ZNF652: variants seen among roughly 807,000 people sequenced by gnomAD.
ZNF652 encodes the protein zinc finger protein 652.
A neutral mutation model predicts 45.2 loss-of-function variants in ZNF652; 16 were observed. That is an observed-to-expected ratio of 0.35 (90% CI 0.24 to 0.54). The LOEUF (loss-of-function observed/expected upper bound fraction) is 0.54. Among genes scored for constraint, ZNF652 ranks in the 20% least tolerant of loss-of-function variants. ZNF652 has a pLI of 0.91. For synonymous variants in ZNF652, 250 were observed against 260.6 expected (o/e 0.96, Z 0.39); for missense variants, 614 against 765.6 (o/e 0.80, Z 2.34).
intron 1 of ZNF652, among the ~76,000 whole-genome samples, chr17:49,336,064 G>A (rs1400147994): frequency 6.6e-6 from 1 of 151,044 alleles, no homozygotes; most frequent in Non-Finnish European, 1.5e-5. Flanking sequence ...TCCCGCCATC[G>A]CTCAGGCTAG....
At chr17:49,311,244 A>C in intron 5 of ZNF652, 68 bp downstream of exon 5, 1 of 1,464,652 alleles carries the variant, frequency 6.8e-7, no homozygotes, top group Non-Finnish European at 9.2e-7. Context: ...TTTTTAAAAA[A>C]CAGACCCACA....
intron 1 of ZNF652, chr17:49,322,379 C>A (rs1400093144): frequency 6.6e-6 from 1 of 152,228 alleles, no homozygotes; most frequent in Admixed American, 6.5e-5. Flanking sequence ...CACTCTACTT[C>A]TATACCTTCC....
chr17:49,325,858 A>G (rs950151500), intron 1 of ZNF652, among the ~76,000 whole-genome samples: 1 of 152,070 alleles, frequency 6.6e-6, no homozygotes, highest in African/African-American at 2.4e-5. Context: ...TTCCACAAAG[A>G]CCAGAAAACC....
chr17:49,327,308 G>A lies in ZNF652; in HGVS notation c.-258-9325C>T, dbSNP rs541585022. On this transcript the variant is annotated intron_variant, in intron 1 of 5. Coordinates refer to ENST00000430262, the MANE Select transcript of ZNF652 (RefSeq NM_001145365.3). ...CTCCCTAGTAGCTGGGATTACAGGCGCCTGTCACCACACCCAGCTAATTTT... is the reference window on the plus strand; with the variant it reads ...CTCCCTAGTAGCTGGGATTACAGGCACCTGTCACCACACCCAGCTAATTTT... Among the ~76,000 whole-genome samples, 16 of 151,860 alleles carry A rather than the reference G, an allele frequency of 1.1e-4. No individual in the cohort carries two copies. The South Asian group carries it at 3.3e-3, about 32-fold the overall frequency.
Position 49,297,652 on chromosome 17 carries a change from G to A in ZNF652, c.*761C>T, listed in dbSNP as rs1304038022. The A allele has an allele frequency of 1.3e-5, 2 of 152,744 alleles. No individual in the cohort carries two copies. The highest frequency in any genetic ancestry group is 4.8e-5 in the African/African-American group (2 of 41,568). 9.5% of individuals were successfully genotyped at this position (152,744 alleles called of 1,614,324 possible). ...TAGTCTCTGAAGCACCTTTTGAGTT[G>A]TACGGATGTAAGAATAGCTTTGAAT... On this transcript the variant is annotated 3_prime_UTR_variant, in exon 6 of 6. Transcript: ENST00000430262.
At chr17:49,321,139 T>TATA (rs368954949) in intron 1 of ZNF652, among the ~76,000 whole-genome samples, 5 of 152,344 alleles carry the variant, frequency 3.3e-5, no homozygotes, top group African/African-American at 1.2e-4. Flanking sequence ...TACTAACCAA[T>TATA]ATAAAATCCT....
At chr17:49,313,928 T>C (rs2906101) in intron 2 of ZNF652, among the ~76,000 whole-genome samples, 77,883 of 132,160 alleles carry the variant, frequency 0.59, 22,654 homozygotes, top group South Asian at 0.75. Flanking sequence ...GCCGAGATCG[T>C]GCCATTGCAC....
intron 1 of ZNF652, among the ~76,000 whole-genome samples, chr17:49,322,169 CAAT>C (rs1431260906): frequency 2.0e-5 from 3 of 152,190 alleles, no homozygotes; most frequent in African/African-American, 7.2e-5. Context: ...AGTTCTGCTA[CAAT>C]GCATATTTCT....
rs564810124 is a variant in ZNF652 at position 49,331,184 on chromosome 17, C to T, written c.-258-13201G>A. Among the ~76,000 whole-genome samples, 93 of 145,458 alleles carry T rather than the reference C, an allele frequency of 6.4e-4. 2 individuals are homozygous for T. Among genetic ancestry groups the T allele is most frequent in the Admixed American group, 6.2e-3 (89 of 14,446 alleles). ...TCACCCAGGCTGGAGGGCAGTGGCG[C>T]GATCTCAGCTCACTGCAAGCTCTGC... is the stretch of plus-strand genomic sequence containing the variant. On this transcript the variant is annotated intron_variant, in intron 1 of 5. Coordinates refer to ENST00000430262, the MANE Select transcript of ZNF652 (RefSeq NM_001145365.3).
At chr17:49,334,033 C>T (rs989286759) in intron 1 of ZNF652, among the ~76,000 whole-genome samples, 12 of 151,958 alleles carry the variant, frequency 7.9e-5, no homozygotes, top group Non-Finnish European at 1.8e-4. Context: ...GGCATAAACT[C>T]AGGAGAACCA....
chr17:49,308,937 T>A (rs1239368348), intron 5 of ZNF652, among the ~76,000 whole-genome samples: 3 of 151,818 alleles, frequency 2.0e-5, no homozygotes, highest in Non-Finnish European at 2.9e-5. Flanking sequence ...ACTAAAATAA[T>A]CATGAAAGAA....
intron 2 of ZNF652, 72 bp downstream of exon 2, chr17:49,316,754 G>T: frequency 6.9e-7 from 1 of 1,456,636 alleles, no homozygotes; most frequent in Non-Finnish European, 9.2e-7. Flanking sequence ...TATTCTCTTG[G>T]GCGGATACCA....
intron 3 of ZNF652, 72 bp from the exon 4 acceptor site, chr17:49,312,114 G>A: frequency 2.6e-6 from 2 of 775,114 alleles, no homozygotes; most frequent in Non-Finnish European, 4.0e-6. Flanking sequence ...GCATCCTACT[G>A]TAAAGCAATT....
chr17:49,314,595 G>C (rs1023731739), intron 2 of ZNF652, among the ~76,000 whole-genome samples: 1 of 152,134 alleles, frequency 6.6e-6, no homozygotes, highest in African/African-American at 2.4e-5. Flanking sequence ...ACACTGCCTA[G>C]TTCCTTGTAT....
rs1208840497 is a variant in ZNF652 at position 49,294,276 on chromosome 17, G to T, written c.*4137C>A. Among the ~76,000 whole-genome samples, 1 of 152,134 alleles carries T rather than the reference G, an allele frequency of 6.6e-6. No homozygotes were observed. Among genetic ancestry groups the T allele is most frequent in the Non-Finnish European group, 1.5e-5 (1 of 68,016 alleles). ...AGGGACAGTTCTAACCACTAGAAAA[G>T]GATACTTCGAACAAATGTGGTTTTA... On this transcript the variant is annotated 3_prime_UTR_variant, in exon 6 of 6. Coordinates refer to ENST00000430262, the MANE Select transcript of ZNF652 (RefSeq NM_001145365.3).
intron 5 of ZNF652, among the ~76,000 whole-genome samples, chr17:49,301,580 G>A (rs929264068): frequency 6.6e-6 from 1 of 152,176 alleles, no homozygotes; most frequent in Non-Finnish European, 1.5e-5. Context: ...TTACAGGTGT[G>A]AGCCACCACA....
In ZNF652 at chr17:49,347,735, G is replaced by GTTTTTTTTTTTTTT. The variant is rs1567698709; in HGVS notation, c.-259+14173_-259+14174insAAAAAAAAAAAAAA. Among the ~76,000 whole-genome samples the GTTTTTTTTTTTTTT allele has an allele frequency of 4.8e-5, 6 of 124,410 alleles. 2 individuals carry two copies. 81.6% of individuals were successfully genotyped at this position (124,410 alleles called of 152,430 possible). A position where few individuals can be genotyped will look rare whatever the true frequency, so the allele number is the denominator to read the frequency against. On this transcript the variant is annotated intron_variant, in intron 1 of 5. Coordinates refer to ENST00000430262, the MANE Select transcript of ZNF652 (RefSeq NM_001145365.3). ...TGCCTGCAAGAAAAATTGAACCTTG[G>GTTTTTTTTTTTTTT]TTTTGTTTTTTTTTTTTTTTTTTTT...
intron 1 of ZNF652, among the ~76,000 whole-genome samples, chr17:49,336,801 A>G (rs1439234856): frequency 6.7e-6 from 1 of 150,116 alleles, no homozygotes; most frequent in East Asian, 2.0e-4. Flanking sequence ...TAGTTTTTGT[A>G]TTTTTTTTAG....
chr17:49,295,954 A>C lies in ZNF652; in HGVS notation c.*2459T>G, dbSNP rs1176966937. 1 of 143,924 alleles carries C rather than the reference A, an allele frequency of 6.9e-6. No homozygotes were observed. Among genetic ancestry groups the C allele is most frequent in the East Asian group, 1.9e-4 (1 of 5,198 alleles). 8.9% of individuals were successfully genotyped at this position (143,924 alleles called of 1,614,324 possible). On this transcript the variant is annotated 3_prime_UTR_variant, in exon 6 of 6. Transcript: ENST00000430262. ...CTCTGCCTCAAAAAAAAAAAAAAAA[A>C]AAAAAAAAAAACAGAACAAAATATA...
Sources: gnomAD v4.1 joint callset for allele counts (sites outside exome capture counted in the v4.1 genomes callset) on GRCh38, gnomAD v4.1.1 for gene constraint, MANE v1.5 for transcripts, NCBI Gene and HGNC (gene_info 2026-07-23, HGNC 2026-07-21) for gene names.